The following ULK4 variants were observed in gnomAD, a reference collection of about 807,000 sequenced individuals.
ULK4 encodes the protein inactive serine/threonine-protein kinase ULK4.
ULK4 carries 133 observed loss-of-function variants against 160.6 expected under a neutral mutation model. That is an observed-to-expected ratio of 0.83 (90% confidence interval 0.72 to 0.96). ULK4 has a LOEUF of 0.96. ULK4 is among the 40% of genes least tolerant of loss of function. The probability of loss-of-function intolerance (pLI) is 0.00; values close to 1 mark genes in which losing one functional copy is unlikely to be tolerated. For synonymous variants in ULK4, 534 were observed against 539.8 expected (o/e 0.99, Z 0.15); for missense variants, 1,580 against 1,499.5 (o/e 1.05, Z -0.89).
intron 2 of ULK4, among the ~76,000 whole-genome samples, chr3:41,953,000 C>T (rs1051726145): frequency 7.3e-5 from 11 of 151,674 alleles, no homozygotes; most frequent in African/African-American, 2.7e-4. Flanking sequence ...GTCAAAACCA[C>T]AGAGACAAAA....
intron 25 of ULK4, among the ~76,000 whole-genome samples, chr3:41,707,035 C>T (rs2036926663): frequency 6.6e-6 from 1 of 151,832 alleles, no homozygotes; most frequent in South Asian, 2.1e-4. Flanking sequence ...GTATAAACTC[C>T]CCCATCCCAT....
At chr3:41,676,639 C>T (rs568116932) in intron 29 of ULK4, among the ~76,000 whole-genome samples, 1 of 152,012 alleles carries the variant, frequency 6.6e-6, no homozygotes, top group African/African-American at 2.4e-5. Context: ...AGAGAGTAAG[C>T]TCTGTAAAAA....
chr3:41,282,619 C>T (rs2079380903), intron 35 of ULK4, among the ~76,000 whole-genome samples: 1 of 152,174 alleles, frequency 6.6e-6, no homozygotes, highest in Non-Finnish European at 1.5e-5. Flanking sequence ...GAAACTGGAT[C>T]CCTTCCTTAC....
chr3:41,646,075 C>A (rs1410222328), intron 30 of ULK4, among the ~76,000 whole-genome samples: 1 of 152,078 alleles, frequency 6.6e-6, no homozygotes, highest in Non-Finnish European at 1.5e-5. Flanking sequence ...TTATTTTGAG[C>A]CTATGTGTGT....
intron 32 of ULK4, among the ~76,000 whole-genome samples, chr3:41,520,523 G>T (rs1404871784): frequency 6.6e-6 from 1 of 152,106 alleles, no homozygotes; most frequent in Non-Finnish European, 1.5e-5. Flanking sequence ...ATGCATATTT[G>T]TGCAGATTTG....
intron 22 of ULK4, among the ~76,000 whole-genome samples, chr3:41,741,963 C>G (rs977046919): frequency 1.3e-5 from 2 of 151,778 alleles, no homozygotes; most frequent in Non-Finnish European, 1.5e-5. Flanking sequence ...AACTGTCCCC[C>G]CAAAAAAGTG....
chr3:41,479,557 AGG>A (rs563726770), intron 32 of ULK4, among the ~76,000 whole-genome samples: 62 of 152,278 alleles, frequency 4.1e-4, no homozygotes, highest in South Asian at 1.7e-3. Context: ...GGTAGAATGG[AGG>A]AAGAAAGGCA....
chr3:41,496,388 A>T (rs1553682705), intron 32 of ULK4, among the ~76,000 whole-genome samples: 1 of 151,902 alleles, frequency 6.6e-6, no homozygotes, highest in Non-Finnish European at 1.5e-5. Context: ...GCAATATAAG[A>T]CTCTGACTCC....
intron 32 of ULK4, among the ~76,000 whole-genome samples, chr3:41,478,213 G>A (rs1371306883): frequency 6.6e-6 from 1 of 152,194 alleles, no homozygotes; most frequent in Non-Finnish European, 1.5e-5. Flanking sequence ...TGAGTATGAT[G>A]AGCTAATTCA....
At chr3:41,533,846 C>G (rs1039134741) in intron 32 of ULK4, among the ~76,000 whole-genome samples, 3 of 152,158 alleles carry the variant, frequency 2.0e-5, no homozygotes, top group African/African-American at 7.2e-5. Context: ...CTCGCTCTTT[C>G]GCCCAGGCCG....
chr3:41,855,678 T>C (rs539674120), intron 17 of ULK4, among the ~76,000 whole-genome samples: 31 of 152,102 alleles, frequency 2.0e-4, no homozygotes, highest in African/African-American at 6.8e-4. Context: ...ACTCCTCAAA[T>C]AGTAGAAATA....
chr3:41,831,016 A>T (rs1279735866), intron 18 of ULK4, among the ~76,000 whole-genome samples: 2 of 88,936 alleles, frequency 2.2e-5, no homozygotes, highest in East Asian at 2.8e-4. Flanking sequence ...TATTTTTTTT[A>T]TTTATTTATT....
At chr3:41,913,221 C>CTTTTTTT (rs562065017) in intron 8 of ULK4, 1 of 99,514 alleles carries the variant, frequency 1.0e-5, no homozygotes, top group Admixed American at 1.2e-4. Context: ...ATTTGAAATT[C>CTTTTTTT]TTTTTTTTTT....
At chr3:41,775,841 C>A (rs1261495158) in intron 21 of ULK4, among the ~76,000 whole-genome samples, 1 of 150,778 alleles carries the variant, frequency 6.6e-6, no homozygotes, top group Non-Finnish European at 1.5e-5. Context: ...CATGTTAATT[C>A]TTTTCAATCT....
chr3:41,544,183 T>A (rs1214661063), intron 32 of ULK4, among the ~76,000 whole-genome samples: 1 of 126,182 alleles, frequency 7.9e-6, no homozygotes, highest in Non-Finnish European at 1.7e-5. Context: ...CTGAGGATAT[T>A]TTGTTATTGC....
At position 41,678,918 on chromosome 3, in the gene ULK4, G is replaced by A. The variant is rs374146364; in HGVS notation, c.2978+2590C>T. 1.9e-3 allele frequency among the ~76,000 whole-genome samples: 284 copies of A among 152,292 alleles called. 2 individuals are homozygous for A. The highest frequency in any genetic ancestry group is 6.7e-3 in the African/African-American group (277 of 41,550). The stretch of plus-strand genomic sequence containing the variant: ...ATTATATTTATATACTCAATGGAGA[G>A]CATGAATTTTCCATTATTAGTATTT... On this transcript the variant is annotated intron_variant, in intron 29 of 36. Coordinates refer to ENST00000301831, the MANE Select transcript of ULK4 (RefSeq NM_017886.4).
intron 32 of ULK4, among the ~76,000 whole-genome samples, chr3:41,553,464 A>T (rs768758037): frequency 2.6e-5 from 4 of 152,238 alleles, no homozygotes; most frequent in Non-Finnish European, 5.9e-5. Context: ...AGAAGACATA[A>T]AACCGCCAAC....
intron 18 of ULK4, among the ~76,000 whole-genome samples, chr3:41,824,111 C>A (rs550505637): frequency 6.9e-6 from 1 of 144,438 alleles, no homozygotes; most frequent in Non-Finnish European, 1.5e-5. Flanking sequence ...TGCAGTGAGC[C>A]AAGATTATGT....
intron 29 of ULK4, among the ~76,000 whole-genome samples, chr3:41,678,704 A>G (rs1446105821): frequency 6.6e-6 from 1 of 152,226 alleles, no homozygotes; most frequent in Non-Finnish European, 1.5e-5. Flanking sequence ...TCCCTGTGCG[A>G]AGTGGGGAGC....
Sources: allele counts gnomAD v4.1 joint callset (sites outside exome capture counted in the v4.1 genomes callset), GRCh38; gene constraint gnomAD v4.1.1; transcripts MANE v1.5; gene names NCBI Gene and HGNC (gene_info 2026-07-23, HGNC 2026-07-21).